The following TEX11 variants were observed in gnomAD, a reference collection of about 807,000 sequenced individuals.
The protein encoded by TEX11 is testis-expressed protein 11.
A neutral mutation model predicts 84.4 loss-of-function variants in TEX11; 7 were observed. That is an observed-to-expected ratio of 0.08 (90% CI 0.05 to 0.16). The LOEUF (loss-of-function observed/expected upper bound fraction) is 0.16. Ranked by LOEUF, TEX11 falls within the 10% of genes least tolerant of loss-of-function variation. The pLI is 1.00. For missense variants in TEX11, 551 were observed against 660.5 expected (o/e 0.83, Z 1.82); for synonymous variants, 264 against 222.8 (o/e 1.18, Z -1.64).
chrX:70,763,934 C>G (rs959844097), intron 9 of TEX11, among the ~76,000 whole-genome samples: 1 of 111,918 alleles, frequency 8.9e-6, no homozygotes, highest in African/African-American at 3.2e-5. Context: ...ATCTTCCAGA[C>G]AGAAAATCAA....
At chrX:70,844,274 T>C (rs1602176659) in intron 7 of TEX11, among the ~76,000 whole-genome samples, 1 of 109,562 alleles carries the variant, frequency 9.1e-6, no homozygotes, top group East Asian at 2.9e-4. Flanking sequence ...TGGAATACTA[T>C]GCAGCCATAA....
At chrX:70,855,399 T>C (rs1569455966) in intron 5 of TEX11, among the ~76,000 whole-genome samples, 1 of 109,677 alleles carries the variant, frequency 9.1e-6, no homozygotes, top group Non-Finnish European at 1.9e-5. Flanking sequence ...ACCCCATCTC[T>C]ACTAAAAATA....
chrX:70,565,067 T>C (rs1284448968), intron 25 of TEX11, among the ~76,000 whole-genome samples: 2 of 106,476 alleles, frequency 1.9e-5, no homozygotes, highest in Non-Finnish European at 3.9e-5. Flanking sequence ...CCAGCACCTG[T>C]TGTTTCCTGA....
intron 15 of TEX11, among the ~76,000 whole-genome samples, chrX:70,676,915 T>C (rs146553100): frequency 8.9e-6 from 1 of 112,100 alleles, no homozygotes; most frequent in East Asian, 2.8e-4. Context: ...TCTTTATAAG[T>C]TTGATTTGGG....
intron 2 of TEX11, among the ~76,000 whole-genome samples, chrX:70,898,741 G>C (rs1000228162): frequency 1.5e-4 from 16 of 110,193 alleles, no homozygotes; most frequent in Non-Finnish European, 3.0e-4. Flanking sequence ...GAGTAGCTGG[G>C]ACTACAGGTG....
At chrX:70,771,614 C>T (rs1272433857) in intron 9 of TEX11, among the ~76,000 whole-genome samples, 2 of 112,265 alleles carry the variant, frequency 1.8e-5, no homozygotes, top group Non-Finnish European at 3.8e-5. Context: ...AATAGATGCT[C>T]ACTTTACAAT....
chrX:70,887,183 C>G (rs1253517926), intron 2 of TEX11, among the ~76,000 whole-genome samples: 1 of 111,942 alleles, frequency 8.9e-6, no homozygotes, highest in African/African-American at 3.2e-5. Flanking sequence ...GGAGAGACCC[C>G]TTCTGCTTAA....
Position 70,749,497 on chromosome X carries a change from G to T in TEX11, c.693-5278C>A, listed in dbSNP as rs780152801. 1.0e-4 allele frequency among the ~76,000 whole-genome samples: 11 copies of T among 108,716 alleles called. No homozygotes were observed. In the South Asian group the frequency reaches 3.7e-3, roughly 37 times the overall value. The allele number at this position is 108,716 out of a possible 115,157, so 94.4% of individuals were successfully genotyped here. A position where few individuals can be genotyped will look rare whatever the true frequency, so the allele number is the denominator to read the frequency against. ...GTGAGAGAGGGCATCCCTGTCTTGTGCCAGTTTTCAAAGGGAATGCTTCCA... is the reference window on the plus strand; with the variant it reads ...GTGAGAGAGGGCATCCCTGTCTTGTTCCAGTTTTCAAAGGGAATGCTTCCA... On this transcript the variant is annotated intron_variant, in intron 9 of 29. Coordinates refer to ENST00000374333, the MANE Select transcript of TEX11 (RefSeq NM_031276.3).
chrX:70,530,961 G>T (rs1305474745), intron 28 of TEX11, among the ~76,000 whole-genome samples: 1 of 110,801 alleles, frequency 9.0e-6, no homozygotes, highest in Non-Finnish European at 1.9e-5. Context: ...GGATATTCCA[G>T]TCAGAGGCGG....
intron 24 of TEX11, among the ~76,000 whole-genome samples, chrX:70,599,519 CTT>C (rs11318970): frequency 6.5e-4 from 70 of 108,095 alleles, no homozygotes; most frequent in Non-Finnish European, 1.0e-3. Context: ...AACAAGTATT[CTT>C]TTTTTTTTAT....
chrX:70,521,793 C>T, the TEX11 span, among the ~76,000 whole-genome samples: 30 of 111,110 alleles, frequency 2.7e-4, no homozygotes, highest in Non-Finnish European at 4.7e-4. Flanking sequence ...GGGCAGACTT[C>T]AAAGTTCAGA....
At chrX:70,748,870 G>A (rs1353652429) in intron 9 of TEX11, among the ~76,000 whole-genome samples, 1 of 99,546 alleles carries the variant, frequency 1.0e-5, no homozygotes, top group East Asian at 3.2e-4. Context: ...CTCCAGCTTT[G>A]TTCTTTTGGC....
At chrX:70,768,058 C>T (rs1049339451) in intron 9 of TEX11, among the ~76,000 whole-genome samples, 1 of 110,840 alleles carries the variant, frequency 9.0e-6, no homozygotes, top group Non-Finnish European at 1.9e-5. Flanking sequence ...GGAATAAAAC[C>T]TACTATTTGA....
At chrX:70,543,359 C>T (rs1165383969) in intron 28 of TEX11, among the ~76,000 whole-genome samples, 1 of 110,999 alleles carries the variant, frequency 9.0e-6, no homozygotes. Flanking sequence ...ACCCAAGAGC[C>T]AGAGAATTGG....
intron 9 of TEX11, among the ~76,000 whole-genome samples, chrX:70,747,357 A>C (rs73220897): frequency 0.07 from 7,888 of 112,190 alleles, 232 homozygotes; most frequent in East Asian, 0.12. Context: ...GGAATATTAG[A>C]GGCCACACAG....
chrX:70,562,267 C>CT (rs1387559879), intron 25 of TEX11, among the ~76,000 whole-genome samples: 7 of 111,191 alleles, frequency 6.3e-5, no homozygotes, highest in Non-Finnish European at 1.3e-4. Context: ...AGGCTCTTAT[C>CT]TTTTTTTTAA....
chrX:70,707,039 C>T (rs932374547), intron 13 of TEX11, among the ~76,000 whole-genome samples: 4 of 110,901 alleles, frequency 3.6e-5, no homozygotes, highest in African/African-American at 9.8e-5. Context: ...TAAATCCTCT[C>T]GGATTCATTA....
At chrX:70,654,709 C>CAAAAAAAAAAAA (rs56822297) in intron 16 of TEX11, among the ~76,000 whole-genome samples, 14 of 37,618 alleles carry the variant, frequency 3.7e-4, no homozygotes, top group African/African-American at 4.9e-4. Flanking sequence ...GACTCTGTCT[C>CAAAAAAAAAAAA]AAAAAAAAAA....
intron 17 of TEX11, among the ~76,000 whole-genome samples, chrX:70,636,566 G>T (rs912569812): frequency 1.8e-5 from 2 of 112,184 alleles, no homozygotes; most frequent in Non-Finnish European, 3.8e-5. Flanking sequence ...ACAGACTCAG[G>T]CTCCAGGCCT....
Sources: allele counts gnomAD v4.1 joint callset (sites outside exome capture counted in the v4.1 genomes callset), GRCh38; gene constraint gnomAD v4.1.1; transcripts MANE v1.5; gene names NCBI Gene and HGNC (gene_info 2026-07-23, HGNC 2026-07-21).